CD47: variants seen among roughly 807,000 people sequenced by gnomAD.
CD47 encodes the protein CD47 molecule.
A neutral mutation model predicts 44.6 loss-of-function variants in CD47; 11 were observed. That is an observed-to-expected ratio of 0.25 (90% confidence interval 0.16 to 0.41). The LOEUF (loss-of-function observed/expected upper bound fraction) is 0.41. CD47 is among the 10% of genes least tolerant of loss of function. The pLI, the probability that CD47 is intolerant of heterozygous loss-of-function variation, is 1.00. For synonymous variants in CD47, 140 were observed against 136.3 expected, an observed-to-expected ratio of 1.03 and a Z score of -0.19; for missense variants, 306 against 386.7, an observed-to-expected ratio of 0.79 and a Z score of 1.75.
In CD47 at chr3:108,059,473, G is replaced by T. The variant is rs1415428759; in HGVS notation, c.670C>A (p.His224Asn). The T allele has an allele frequency of 2.0e-6, 3 of 1,507,558 alleles. No individual in the cohort carries two copies. The highest frequency in any genetic ancestry group is 1.8e-6 in the Non-Finnish European group (2 of 1,113,182). The allele number at this position is 1,507,558 out of a possible 1,614,324, so 93.4% of individuals were successfully genotyped here. ...VTSTGILILL[H>N]YYVFSTAIGL... is the part of the protein sequence containing the mutation. Reference sequence around the variant, plus strand: ...TCACCTGTACTAAACACATAGTAGTGAAGTAATATTAATATCCCTGTAGAA... The same window carrying T: ...TCACCTGTACTAAACACATAGTAGTTAAGTAATATTAATATCCCTGTAGAA... Residue 224 changes from histidine to asparagine, a missense_variant, in exon 5 of 11, where the codon CAC becomes AAC. By Grantham distance (68) the His-to-Asn change is moderately conservative. Around this residue, in one of 5 missense-constraint regions of CD47, gnomAD observed 131 missense variants for 135.3 expected, o/e 0.97. Transcript: ENST00000361309.
chr3:108,074,431 A>G (rs1334501812), intron 2 of CD47, among the ~76,000 whole-genome samples: 1 of 151,990 alleles, frequency 6.6e-6, no homozygotes, highest in East Asian at 1.9e-4. Context: ...CTCCTGTCTC[A>G]GCCTCCCAAG....
intron 1 of CD47, among the ~76,000 whole-genome samples, chr3:108,082,227 T>C (rs2079433664): frequency 6.6e-6 from 1 of 152,010 alleles, no homozygotes; most frequent in Admixed American, 6.6e-5. Context: ...TCTGACTCTA[T>C]AGAAGCCTGT....
At position 108,090,911 on chromosome 3, in the gene CD47, C is replaced by G; in HGVS notation, c.-3G>C. 1 of 1,473,682 alleles carries G rather than the reference C, an allele frequency of 6.8e-7. No individual in the cohort carries two copies. Among genetic ancestry groups the G allele is most frequent in the Non-Finnish European group, 9.0e-7 (1 of 1,117,060 alleles). The allele number at this position is 1,473,682 out of a possible 1,614,324, so 91.3% of individuals were successfully genotyped here. A position where few individuals can be genotyped will look rare whatever the true frequency, so the allele number is the denominator to read the frequency against. On this transcript the variant is annotated 5_prime_UTR_variant, in exon 1 of 11. Transcript: ENST00000361309. Reference sequence around the variant, plus strand: ...AGCGCCGCTACCAGGGGCCACATCTCCGCGCCCGCCGCGGGGTCGCCGCCG... The same window carrying G: ...AGCGCCGCTACCAGGGGCCACATCTGCGCGCCCGCCGCGGGGTCGCCGCCG...
At position 108,047,222 on chromosome 3, in the gene CD47, T is replaced by G. The variant is rs1214948407; in HGVS notation, c.*66A>C. On this transcript the variant is annotated 3_prime_UTR_variant, in exon 11 of 11. Coordinates refer to ENST00000361309, the MANE Select transcript of CD47 (RefSeq NM_001777.4). Reference sequence around the variant, plus strand: ...AGTGAATCATCAAGGCCATGGTGCTTAAACACAAGTGTATTCCTTTCACGT... The same window carrying G: ...AGTGAATCATCAAGGCCATGGTGCTGAAACACAAGTGTATTCCTTTCACGT... 3.6e-6 allele frequency: 5 copies of G among 1,398,454 alleles called. No individual in the cohort carries two copies. The highest frequency in any genetic ancestry group is 5.0e-6 in the Non-Finnish European group (5 of 997,696). 86.6% of individuals were successfully genotyped at this position (1,398,454 alleles called of 1,614,324 possible).
chr3:108,072,552 C>T (rs1043195273), intron 2 of CD47, among the ~76,000 whole-genome samples: 12 of 152,096 alleles, frequency 7.9e-5, no homozygotes, highest in African/African-American at 2.9e-4. Flanking sequence ...GACAGTTTTG[C>T]GAGTGAATGG....
At chr3:108,065,554 T>C (rs914414077) in intron 3 of CD47, among the ~76,000 whole-genome samples, 1 of 152,144 alleles carries the variant, frequency 6.6e-6, no homozygotes, top group African/African-American at 2.4e-5. Context: ...GGCTAATGCC[T>C]GTAATCTCAG....
chr3:108,086,255 T>TAA (rs1053079271), intron 1 of CD47, among the ~76,000 whole-genome samples: 2 of 147,004 alleles, frequency 1.4e-5, no homozygotes, highest in African/African-American at 2.5e-5. Flanking sequence ...TTAATTTCAT[T>TAA]AAAAAAAAAA....
At chr3:108,085,541 G>A (rs1193978331) in intron 1 of CD47, among the ~76,000 whole-genome samples, 2 of 152,130 alleles carry the variant, frequency 1.3e-5, no homozygotes, top group Non-Finnish European at 2.9e-5. Context: ...GCACAGTTGA[G>A]TTGTTCAATC....
At chr3:108,050,906 T>C (rs771444630) in intron 8 of CD47, 1 of 382,518 alleles carries the variant, frequency 2.6e-6, no homozygotes, top group Non-Finnish European at 5.1e-6. Flanking sequence ...AGTGCAAGCA[T>C]AAATAGCAAC....
At chr3:108,050,946 G>C (rs760129181) in intron 8 of CD47, 8 of 307,342 alleles carry the variant, frequency 2.6e-5, no homozygotes, top group Non-Finnish European at 5.2e-5. Flanking sequence ...TGAAGAGGTG[G>C]AAGCAAAACA....
At chr3:108,055,026 C>A (rs2078890100) in intron 7 of CD47, among the ~76,000 whole-genome samples, 1 of 151,950 alleles carries the variant, frequency 6.6e-6, no homozygotes. Flanking sequence ...AGTTATTGTG[C>A]CCAGTCCTTT....
In CD47 at chr3:108,070,618, A is replaced by G. The variant is rs139424756; in HGVS notation, c.490+475T>C. Among the ~76,000 whole-genome samples, 1,104 of 152,296 alleles carry G rather than the reference A, an allele frequency of 7.2e-3. 13 individuals are homozygous for G. Among genetic ancestry groups the G allele is most frequent in the African/African-American group, 0.025 (1,058 of 41,552 alleles). ...TGCAGAACTGCACGCAGAGGATGAC[A>G]AAACATAGTTCCGACTGGACTTTTC... On this transcript the variant is annotated intron_variant, in intron 3 of 10. Coordinates refer to ENST00000361309, the MANE Select transcript of CD47 (RefSeq NM_001777.4).
At chr3:108,053,528 C>G (rs2078863778) in intron 7 of CD47, 1 of 152,420 alleles carries the variant, frequency 6.6e-6, no homozygotes, top group Non-Finnish European at 1.5e-5. Flanking sequence ...GGTGAGCTAG[C>G]TGGCTAATAG....
chr3:108,090,525 T>C (rs886663066), intron 1 of CD47, among the ~76,000 whole-genome samples: 6 of 152,194 alleles, frequency 3.9e-5, no homozygotes, highest in Non-Finnish European at 8.8e-5. Context: ...CCCTTGCCTC[T>C]GATCGCGCCC....
chr3:108,061,780 T>C (rs917757282), intron 3 of CD47, among the ~76,000 whole-genome samples: 1 of 152,194 alleles, frequency 6.6e-6, no homozygotes, highest in Non-Finnish European at 1.5e-5. Flanking sequence ...CAGCGTGTGA[T>C]TGAAATGCTG....
intron 1 of CD47, among the ~76,000 whole-genome samples, chr3:108,085,320 T>C (rs1409366880): frequency 6.6e-6 from 1 of 152,148 alleles, no homozygotes; most frequent in Admixed American, 6.5e-5. Context: ...ATTCACCTCA[T>C]GTACTTCTTA....
chr3:108,069,751 T>G (rs1300574644), intron 3 of CD47, among the ~76,000 whole-genome samples: 3 of 152,174 alleles, frequency 2.0e-5, no homozygotes, highest in Non-Finnish European at 4.4e-5. Flanking sequence ...AATAATTTCA[T>G]GATCTTTGAA....
chr3:108,088,624 A>T (rs1053558183), intron 1 of CD47, among the ~76,000 whole-genome samples: 1 of 144,384 alleles, frequency 6.9e-6, no homozygotes, highest in Non-Finnish European at 1.5e-5. Context: ...ACCCTGATTT[A>T]AAAAAAAAAA....
intron 7 of CD47, among the ~76,000 whole-genome samples, chr3:108,057,075 T>TTAAA (rs1323459232): frequency 6.6e-6 from 1 of 152,176 alleles, no homozygotes; most frequent in African/African-American, 2.4e-5. Flanking sequence ...GACAGCTCTA[T>TTAAA]CACAGAAACA....
Sources: gnomAD v4.1 joint callset for allele counts (sites outside exome capture counted in the v4.1 genomes callset) on GRCh38, gnomAD v4.1.1 for gene constraint, gnomAD v4.1.1 regional missense constraint, MANE v1.5 for transcripts, NCBI Gene and HGNC (gene_info 2026-07-23, HGNC 2026-07-21) for gene names.